Variants in VAMP4 observed in about 807,000 individuals in gnomAD.
VAMP4 encodes the protein vesicle associated membrane protein 4.
In VAMP4, 19 loss-of-function variants were observed where a neutral mutation model predicts 23.5. The observed-to-expected ratio is 0.81, with a 90% confidence interval of 0.56 to 1.19. The LOEUF (loss-of-function observed/expected upper bound fraction) is 1.19, where lower values mean the gene tolerates loss of function less well. VAMP4 is among the 50% of genes most tolerant of loss of function. VAMP4 has a pLI of 0.00. For missense variants in VAMP4, 145 were observed against 168.6 expected (o/e 0.86, Z 0.78); for synonymous variants, 31 against 51.0 (o/e 0.61, Z 1.67).
rs1354166364 is a variant in VAMP4, at chr1:171,719,185, A to G, written c.150T>C (p.Asn50=). The G allele has an allele frequency of 2.5e-6, 4 of 1,611,694 alleles. No homozygotes were observed. Among genetic ancestry groups the G allele is most frequent in the Non-Finnish European group, 3.4e-6 (4 of 1,178,904 alleles). The change falls in exon 4 of 8, where the codon AAT becomes AAC. Residue 50 remains asparagine (N), a synonymous_variant. Coordinates refer to ENST00000236192, the MANE Select transcript of VAMP4 (RefSeq NM_003762.5). ...GPSGPRFGPR[N]DKIKHVQNQV... Reference sequence around the variant, plus strand: ...ACAAAACTTACTGCTTAATTTTATCATTTCTAGGTCCAAATCTTGGTCCAG... The same window carrying G: ...ACAAAACTTACTGCTTAATTTTATCGTTTCTAGGTCCAAATCTTGGTCCAG...
chr1:171,738,753 G>T (rs1655823788), intron 1 of VAMP4, among the ~76,000 whole-genome samples: 1 of 152,222 alleles, frequency 6.6e-6, no homozygotes, highest in Non-Finnish European at 1.5e-5. Context: ...GTAGAGGGAG[G>T]ACGTCTCACT....
intron 3 of VAMP4, among the ~76,000 whole-genome samples, chr1:171,728,265 T>C (rs991723080): frequency 6.6e-6 from 1 of 152,188 alleles, no homozygotes; most frequent in African/African-American, 2.4e-5. Flanking sequence ...TATCAACATC[T>C]TCTTGGCTTC....
At chr1:171,739,525 G>A (rs192926122) in intron 1 of VAMP4, among the ~76,000 whole-genome samples, 127 of 152,308 alleles carry the variant, frequency 8.3e-4, no homozygotes, top group Non-Finnish European at 1.5e-3. Context: ...AAGGGATTGT[G>A]GGAACTCTGA....
intron 2 of VAMP4, 34 bp from the exon 3 acceptor site, chr1:171,728,604 A>G: frequency 3.2e-6 from 5 of 1,546,070 alleles, no homozygotes; most frequent in Non-Finnish European, 4.4e-6. Context: ...GAGTTTTCAG[A>G]TTCAGAGGGC....
Position 171,704,295 on chromosome 1 carries a change from T to C in VAMP4, c.*211A>G, listed in dbSNP as rs911231852. On this transcript the variant is annotated 3_prime_UTR_variant, in exon 8 of 8. Coordinates refer to ENST00000236192, the MANE Select transcript of VAMP4 (RefSeq NM_003762.5). ...ATGGAAAAATAGAGGCTAGTTCTCT[T>C]TGCCTTAAACATAATTATTAAAAGA... 5.6e-6 allele frequency: 2 copies of C among 358,596 alleles called. No individual in the cohort carries two copies. Among genetic ancestry groups the C allele is most frequent in the African/African-American group, 4.2e-5 (2 of 47,408 alleles). 22.2% of individuals were successfully genotyped at this position (358,596 alleles called of 1,614,324 possible).
Position 171,719,194 on chromosome 1 carries a change from T to C in VAMP4, c.141A>G (p.Gly47=). 3 of 1,611,628 alleles carry C rather than the reference T, an allele frequency of 1.9e-6. No homozygotes were observed. The highest frequency in any genetic ancestry group is 2.5e-6 in the Non-Finnish European group (3 of 1,178,790). The change falls in exon 4 of 8, where the codon GGA becomes GGG. Residue 47 remains glycine (G), a synonymous_variant. Coordinates refer to ENST00000236192, the MANE Select transcript of VAMP4 (RefSeq NM_003762.5). Reference sequence around the variant, plus strand: ...ACTGCTTAATTTTATCATTTCTAGGTCCAAATCTTGGTCCAGATGGTCCCC... The same window carrying C: ...ACTGCTTAATTTTATCATTTCTAGGCCCAAATCTTGGTCCAGATGGTCCCC... ...FLRGPSGPRF[G]PRNDKIKHVQ...
intron 3 of VAMP4, among the ~76,000 whole-genome samples, chr1:171,727,941 A>G: frequency 6.6e-6 from 1 of 152,200 alleles, no homozygotes; most frequent in African/African-American, 2.4e-5. Flanking sequence ...TGGATTATCA[A>G]GGGTTATGAG....
At chr1:171,723,248 T>C (rs1291673706) in intron 3 of VAMP4, among the ~76,000 whole-genome samples, 1 of 152,200 alleles carries the variant, frequency 6.6e-6, no homozygotes, top group Non-Finnish European at 1.5e-5. Context: ...TTAAAATTGC[T>C]AATGAAGTTT....
At chr1:171,714,074 G>A (rs975951642) in intron 4 of VAMP4, among the ~76,000 whole-genome samples, 1 of 152,174 alleles carries the variant, frequency 6.6e-6, no homozygotes, top group African/African-American at 2.4e-5. Flanking sequence ...ATCTGCTGGT[G>A]TAACACTCTG....
chr1:171,724,226 G>A (rs1040942904), intron 3 of VAMP4, among the ~76,000 whole-genome samples: 4 of 150,088 alleles, frequency 2.7e-5, no homozygotes, highest in African/African-American at 9.8e-5. Context: ...CGCAAAGACA[G>A]ACAACCAAAC....
intron 3 of VAMP4, among the ~76,000 whole-genome samples, chr1:171,727,978 A>G (rs1316087453): frequency 2.0e-5 from 3 of 152,210 alleles, no homozygotes; most frequent in African/African-American, 7.2e-5. Flanking sequence ...CAGATGGTTC[A>G]TTATTTGATT....
chr1:171,727,899 G>A (rs1655425292), intron 3 of VAMP4, among the ~76,000 whole-genome samples: 1 of 152,168 alleles, frequency 6.6e-6, no homozygotes, highest in South Asian at 2.1e-4. Context: ...ACAGAAAGCA[G>A]AGCACTGGTT....
chr1:171,720,916 A>C (rs565649097), intron 3 of VAMP4, among the ~76,000 whole-genome samples: 1 of 152,198 alleles, frequency 6.6e-6, no homozygotes, highest in South Asian at 2.1e-4. Context: ...AATTCTTAAC[A>C]AACTCTTAAC....
intron 3 of VAMP4, among the ~76,000 whole-genome samples, chr1:171,722,647 A>G (rs1415022868): frequency 6.6e-6 from 1 of 152,252 alleles, no homozygotes; most frequent in African/African-American, 2.4e-5. Flanking sequence ...CAACAGACAC[A>G]TGAAAAAATG....
At chr1:171,718,494 C>T (rs141902344) in intron 4 of VAMP4, among the ~76,000 whole-genome samples, 288 of 152,152 alleles carry the variant, frequency 1.9e-3, no homozygotes, top group African/African-American at 6.6e-3. Context: ...CATATCTTTC[C>T]GATATCAGAC....
At chr1:171,713,757 C>G (rs1654928579) in intron 4 of VAMP4, among the ~76,000 whole-genome samples, 1 of 151,972 alleles carries the variant, frequency 6.6e-6, no homozygotes, top group South Asian at 2.1e-4. Context: ...TTCCTTGAGC[C>G]CAGGAGGTTA....
Position 171,727,965 on chromosome 1 carries a change from C to T in VAMP4, c.113+559G>A, listed in dbSNP as rs537981498. Among the ~76,000 whole-genome samples the T allele has an allele frequency of 1.2e-4, 18 of 152,262 alleles. No homozygotes were observed. In the South Asian group the frequency reaches 2.1e-3, roughly 18 times the overall value. ...AAGGGTTATGAGGAAACTTGCAGGG[C>T]GACAGATGGTTCATTATTTGATTTT... On this transcript the variant is annotated intron_variant, in intron 3 of 7. Transcript: ENST00000236192.
At chr1:171,717,015 A>C (rs1655041278) in intron 4 of VAMP4, among the ~76,000 whole-genome samples, 1 of 152,230 alleles carries the variant, frequency 6.6e-6, no homozygotes, top group African/African-American at 2.4e-5. Flanking sequence ...TAAATATACA[A>C]ATTCATGTGT....
rs930050664 is a variant in VAMP4, at chr1:171,709,582, C to T, written c.345+83G>A. On this transcript the variant is annotated intron_variant, in intron 6 of 7. Transcript: ENST00000236192. ...AGGCCCTGTTCTCACAGAGGTTATG[C>T]TCTAGAGGCCCTTTTTTCTTCATGT... The T allele has an allele frequency of 1.7e-5, 22 of 1,284,086 alleles. No homozygotes were observed. In the African/African-American group the frequency reaches 2.9e-4, roughly 17 times the overall value. 79.5% of individuals were successfully genotyped at this position (1,284,086 alleles called of 1,614,324 possible).
Sources: allele counts gnomAD v4.1 joint callset (sites outside exome capture counted in the v4.1 genomes callset), GRCh38; gene constraint gnomAD v4.1.1; transcripts MANE v1.5; gene names NCBI Gene and HGNC (gene_info 2026-07-23, HGNC 2026-07-21).